Variants in PCDHA8 observed in about 807,000 individuals in gnomAD.
PCDHA8 encodes protocadherin alpha 8.
In PCDHA8, 53 loss-of-function variants were observed where a neutral mutation model predicts 61.8. The ratio of observed to expected loss-of-function variants is 0.86; its 90% CI spans 0.69 to 1.08. The LOEUF (loss-of-function observed/expected upper bound fraction) is 1.08, where lower values mean the gene tolerates loss of function less well. Ranked by LOEUF, PCDHA8 falls within the 50% of genes least tolerant of loss-of-function variation. The pLI is 0.00. For synonymous variants in PCDHA8, 618 were observed against 556.6 expected, an observed-to-expected ratio of 1.11 and a Z score of -1.55; for missense variants, 1,293 against 1,245.0, an observed-to-expected ratio of 1.04 and a Z score of -0.58.
intron 1 of PCDHA8, chr5:140,871,144 A>T (rs1554165205): frequency 6.2e-7 from 1 of 1,613,222 alleles, no homozygotes; most frequent in African/African-American, 1.3e-5. Context: ...CTCTTCCCGG[A>T]CTTTGGCGGG....
intron 1 of PCDHA8, among the ~76,000 whole-genome samples, chr5:140,942,993 AT>A (rs1228666837): frequency 3.3e-5 from 5 of 152,166 alleles, no homozygotes; most frequent in African/African-American, 1.2e-4. Context: ...GTGGTGGCTC[AT>A]GCCTGTAATC....
chr5:140,871,565 G>T, intron 1 of PCDHA8: 2 of 1,483,114 alleles, frequency 1.3e-6, no homozygotes, highest in South Asian at 2.7e-5. Context: ...TTTTTTTCAC[G>T]GATTTTTTAA....
At chr5:140,966,645 C>A in intron 1 of PCDHA8, 1 of 1,125,650 alleles carries the variant, frequency 8.9e-7, no homozygotes, top group African/African-American at 1.7e-5. Context: ...CTTTCTAGAG[C>A]GTGAGCGGTG....
chr5:141,010,446 C>T lies in PCDHA8; in HGVS notation c.*509C>T. The T allele has an allele frequency of 1.1e-6, 1 of 944,708 alleles. No homozygotes were observed. The highest frequency in any genetic ancestry group is 1.5e-6 in the Non-Finnish European group (1 of 656,274). 58.5% of individuals were successfully genotyped at this position (944,708 alleles called of 1,614,324 possible). ...AGGCAAGAAAACAAAGACAAATAAACAGCGGAAGTTATCAGTATGGAGGGG... is the reference window on the plus strand; with the variant it reads ...AGGCAAGAAAACAAAGACAAATAAATAGCGGAAGTTATCAGTATGGAGGGG... On this transcript the variant is annotated 3_prime_UTR_variant, in exon 4 of 4. Coordinates refer to ENST00000531613, the MANE Select transcript of PCDHA8 (RefSeq NM_018911.3).
intron 1 of PCDHA8, chr5:140,968,554 A>G (rs782240700): frequency 1.9e-6 from 3 of 1,614,162 alleles, no homozygotes; most frequent in Non-Finnish European, 2.5e-6. Context: ...TGGTGCCTCG[A>G]ACTGCCCCTG....
intron 1 of PCDHA8, among the ~76,000 whole-genome samples, chr5:140,919,250 T>G (rs1471325437): frequency 6.6e-6 from 1 of 152,236 alleles, no homozygotes; most frequent in African/African-American, 2.4e-5. Flanking sequence ...TTGTCTGTTT[T>G]GTCTGATATT....
intron 1 of PCDHA8, chr5:140,848,452 T>C (rs1402263047): frequency 1.3e-6 from 2 of 1,520,140 alleles, no homozygotes; most frequent in Non-Finnish European, 1.8e-6. Flanking sequence ...TTCTTCTAAT[T>C]TGGAGGCAAT....
At chr5:140,876,443 A>C in intron 1 of PCDHA8, 1 of 1,614,012 alleles carries the variant, frequency 6.2e-7, no homozygotes, top group Non-Finnish European at 8.5e-7. Context: ...AACGCCATTG[A>C]TAAAGGGATT....
chr5:140,862,720 G>T (rs558152493), intron 1 of PCDHA8: 18 of 566,048 alleles, frequency 3.2e-5, no homozygotes, highest in Non-Finnish European at 6.2e-5. Flanking sequence ...GGGCGAGTGC[G>T]CGCTGTCTAG....
chr5:140,926,215 C>T (rs2083014396), intron 1 of PCDHA8, among the ~76,000 whole-genome samples: 1 of 152,170 alleles, frequency 6.6e-6, no homozygotes, highest in Non-Finnish European at 1.5e-5. Flanking sequence ...CTCCTGTTTC[C>T]TTAAGCCTAG....
rs545409584 is a variant in PCDHA8, at chr5:140,952,105, G to A, written c.2395-26844G>A. 3.3e-5 allele frequency among the ~76,000 whole-genome samples: 5 copies of A among 152,218 alleles called. 1 individual carries two copies. Among genetic ancestry groups the A allele is most frequent in the African/African-American group, 4.8e-5 (2 of 41,536 alleles). ...CATGTCTCACATCCAGGGCACACTC[G>A]TGTGAGGGATGGGCTCCCAAGGCCT... is the stretch of plus-strand genomic sequence containing the variant. On this transcript the variant is annotated intron_variant, in intron 1 of 3. Coordinates refer to ENST00000531613, the MANE Select transcript of PCDHA8 (RefSeq NM_018911.3).
intron 1 of PCDHA8, among the ~76,000 whole-genome samples, chr5:140,880,091 C>A (rs925970617): frequency 6.6e-6 from 1 of 152,106 alleles, no homozygotes; most frequent in African/African-American, 2.4e-5. Context: ...TTATAGTAGG[C>A]TTAAAATCAT....
intron 1 of PCDHA8, among the ~76,000 whole-genome samples, chr5:140,950,430 A>T (rs1312660380): frequency 6.6e-6 from 1 of 151,876 alleles, no homozygotes; most frequent in Admixed American, 6.6e-5. Context: ...TCTTCCACTT[A>T]AAAAAAATGT....
intron 1 of PCDHA8, among the ~76,000 whole-genome samples, chr5:140,894,265 C>A (rs1328152615): frequency 6.6e-6 from 1 of 151,796 alleles, no homozygotes; most frequent in East Asian, 1.9e-4. Context: ...CAAGTGGTAG[C>A]TTATTTACAA....
intron 1 of PCDHA8, among the ~76,000 whole-genome samples, chr5:140,964,705 C>T (rs1361202248): frequency 2.6e-5 from 4 of 151,550 alleles, no homozygotes; most frequent in Non-Finnish European, 4.4e-5. Flanking sequence ...TTAAGGCCTC[C>T]GAGATCAAAT....
intron 1 of PCDHA8, among the ~76,000 whole-genome samples, chr5:140,907,844 C>T (rs1402744978): frequency 1.3e-5 from 2 of 152,218 alleles, no homozygotes; most frequent in African/African-American, 4.8e-5. Context: ...TATTAAAATC[C>T]TCCTCTGCTG....
At position 140,972,813 on chromosome 5, in the gene PCDHA8, G is replaced by A. The variant is rs559474622; in HGVS notation, c.2395-6136G>A. Reference sequence around the variant, plus strand: ...TGAGTAGCTGAGATTACAGGCACGCGCCACCACGCCTGGCTAATTTTTGTA... The same window carrying A: ...TGAGTAGCTGAGATTACAGGCACGCACCACCACGCCTGGCTAATTTTTGTA... On this transcript the variant is annotated intron_variant, in intron 1 of 3. Transcript: ENST00000531613. Among the ~76,000 whole-genome samples, 11 of 151,984 alleles carry A rather than the reference G, an allele frequency of 7.2e-5. No individual in the cohort carries two copies. In the East Asian group the frequency reaches 1.2e-3, roughly 16 times the overall value.
chr5:140,849,298 A>T lies in PCDHA8; in HGVS notation c.2394+5583A>T, dbSNP rs1182153594. 25 of 1,269,106 alleles carry T rather than the reference A, an allele frequency of 2.0e-5. No individual in the cohort carries two copies. The highest frequency in any genetic ancestry group is 2.6e-5 in the Non-Finnish European group (24 of 927,200). 78.6% of individuals were successfully genotyped at this position (1,269,106 alleles called of 1,614,324 possible). On this transcript the variant is annotated intron_variant, in intron 1 of 3. Transcript: ENST00000531613. ...CTGGTGATTCACCCCAATGCCTCAG[A>T]TTTAGACGAAGGCTTGAATGGGGAT... is the stretch of plus-strand genomic sequence containing the variant.
rs2150329529 is a variant in PCDHA8, at chr5:140,842,109, A to G, written c.788A>G (p.Lys263Arg). 642 of 1,613,342 alleles carry G rather than the reference A, an allele frequency of 4.0e-4. 8 individuals are homozygous for G. Among genetic ancestry groups the G allele is most frequent in the South Asian group, 3.7e-3 (331 of 90,644 alleles). Residue 263 changes from lysine (K) to arginine (R), a missense_variant, in exon 1 of 4, where the codon AAA becomes AGA. Transcript: ENST00000531613. ...GCAGACAACGGAACAACAGTTATCA[A>G]ACTGAATGCTTCTGATCCGGATGAA... ...ENADNGTTVI[K>R]LNASDPDEGA...
Sources: gnomAD v4.1 joint callset for allele counts (sites outside exome capture counted in the v4.1 genomes callset) on GRCh38, gnomAD v4.1.1 for gene constraint, MANE v1.5 for transcripts, NCBI Gene and HGNC (gene_info 2026-07-23, HGNC 2026-07-21) for gene names.